Variants in ANK2 observed in about 807,000 individuals in gnomAD.
The protein encoded by ANK2 is ankyrin 2, also known as ankyrin-2.
Under a neutral mutation model 360.5 loss-of-function variants are expected in ANK2, and 83 were observed. That is an observed-to-expected ratio of 0.23 (90% CI 0.19 to 0.28). ANK2 has a LOEUF of 0.28. Among genes scored for constraint, ANK2 ranks in the 10% least tolerant of loss-of-function variants. The pLI is 1.00. For missense variants in ANK2, 4,201 were observed against 4,795.7 expected, an observed-to-expected ratio of 0.88 and a Z score of 3.66; for synonymous variants, 1,740 against 1,759.5, an observed-to-expected ratio of 0.99 and a Z score of 0.28.
At chr4:112,766,319 C>CA in the ANK2 span, among the ~76,000 whole-genome samples, 13,150 of 123,320 alleles carry the variant, frequency 0.11, 759 homozygotes, top group African/African-American at 0.19. Flanking sequence ...GACTCTGTCT[C>CA]AAAAAAAAAA....
intron 2 of ANK2, among the ~76,000 whole-genome samples, chr4:113,005,290 A>G (rs1002031597): frequency 1.2e-4 from 18 of 152,212 alleles, no homozygotes; most frequent in Admixed American, 3.9e-4. Context: ...CCCACACTGC[A>G]TATTTATCAC....
chr4:112,733,487 C>T, the ANK2 span, among the ~76,000 whole-genome samples: 1 of 152,124 alleles, frequency 6.6e-6, no homozygotes, highest in Non-Finnish European at 1.5e-5. Context: ...TTATTTCATA[C>T]ATGTACACAT....
intron 1 of ANK2, among the ~76,000 whole-genome samples, chr4:113,093,845 TG>T (rs1242960116): frequency 6.6e-6 from 1 of 152,224 alleles, no homozygotes; most frequent in Non-Finnish European, 1.5e-5. Flanking sequence ...AATAATTCAC[TG>T]GAATTTGTTG....
At chr4:112,827,633 T>G in intron 1 of ANK2, 1 of 792,320 alleles carries the variant, frequency 1.3e-6, no homozygotes. Flanking sequence ...TCCAGATCCT[T>G]GCAATTTACT....
At chr4:112,938,779 G>C (rs2093965677) in intron 2 of ANK2, among the ~76,000 whole-genome samples, 1 of 152,062 alleles carries the variant, frequency 6.6e-6, no homozygotes, top group Non-Finnish European at 1.5e-5. Flanking sequence ...TTAAGACATG[G>C]GTCTGTTTAC....
intron 1 of ANK2, among the ~76,000 whole-genome samples, chr4:112,901,487 A>G (rs1488935321): frequency 6.6e-6 from 1 of 152,216 alleles, no homozygotes; most frequent in African/African-American, 2.4e-5. Context: ...GCTGATGCTG[A>G]AAGTATCTGT....
intron 2 of ANK2, among the ~76,000 whole-genome samples, chr4:112,970,757 G>C (rs779346286): frequency 6.6e-6 from 1 of 152,118 alleles, no homozygotes; most frequent in Non-Finnish European, 1.5e-5. Flanking sequence ...AGATGAAGAA[G>C]TTCAAGGGAT....
At chr4:113,132,990 G>A (rs563077436) in intron 1 of ANK2, among the ~76,000 whole-genome samples, 5 of 152,258 alleles carry the variant, frequency 3.3e-5, no homozygotes, top group South Asian at 4.1e-4. Context: ...CAGCTGGAAG[G>A]ATGCACTAGA....
intron 1 of ANK2, 92 bp downstream of exon 1, chr4:113,049,904 G>C (rs181029522): frequency 2.1e-6 from 3 of 1,440,618 alleles, no homozygotes; most frequent in East Asian, 4.8e-5. Context: ...GGAAACCGTG[G>C]AGCATTATGA....
rs1277905000 is a variant in ANK2 at position 113,356,946 on chromosome 4, A to T, written c.8328A>T (p.Gly2776=). The T allele has an allele frequency of 5.0e-6, 8 of 1,613,972 alleles. No individual in the cohort carries two copies. Among genetic ancestry groups the T allele is most frequent in the African/African-American group, 1.3e-5 (1 of 74,930 alleles). ...TDQPKICDGH[G]CEAMSPSSSA... is the part of the protein sequence containing the mutation. ...AGCCAAAAATCTGTGATGGCCATGG[A>T]TGTGAGGCCATGAGTCCTAGCAGCT... Residue 2776 remains glycine, a synonymous_variant, in exon 38 of 46, where the codon GGA becomes GGT. Coordinates refer to ENST00000357077, the MANE Select transcript of ANK2 (RefSeq NM_001148.6).
intron 2 of ANK2, among the ~76,000 whole-genome samples, chr4:112,988,321 C>T (rs564864596): frequency 7.9e-5 from 12 of 152,182 alleles, no homozygotes; most frequent in African/African-American, 2.4e-4. Context: ...TTCTAGTGAC[C>T]GTGTTAGGAG....
intron 2 of ANK2, among the ~76,000 whole-genome samples, chr4:113,027,996 A>G (rs2059630626): frequency 2.0e-5 from 3 of 152,162 alleles, no homozygotes; most frequent in Non-Finnish European, 4.4e-5. Context: ...TATTTATTTC[A>G]AATATTCTTC....
intron 1 of ANK2, among the ~76,000 whole-genome samples, chr4:113,067,434 G>A (rs1429623855): frequency 2.6e-5 from 4 of 152,152 alleles, no homozygotes; most frequent in African/African-American, 7.2e-5. Context: ...AGCAGGTACA[G>A]AGGGGAAGAT....
In ANK2 at chr4:113,151,088, C is replaced by G. The variant is rs939727189; in HGVS notation, c.85-23328C>G. The G allele has an allele frequency of 5.0e-5, 64 of 1,288,396 alleles. No individual in the cohort carries two copies. In the Middle Eastern group the frequency reaches 6.4e-4, roughly 13 times the overall value. The allele number at this position is 1,288,396 out of a possible 1,614,324, so 79.8% of individuals were successfully genotyped here. On this transcript the variant is annotated intron_variant, in intron 1 of 45. Transcript: ENST00000357077. ...GAATTTTCCCACTACAGGTGACATGCCCCCAGATGAAACCAGAGGCCGCCA... is the reference window on the plus strand; with the variant it reads ...GAATTTTCCCACTACAGGTGACATGGCCCCAGATGAAACCAGAGGCCGCCA...
At chr4:113,345,662 T>C (rs1156438329) in intron 34 of ANK2, among the ~76,000 whole-genome samples, 1 of 152,184 alleles carries the variant, frequency 6.6e-6, no homozygotes, top group Non-Finnish European at 1.5e-5. Flanking sequence ...AATCATCACA[T>C]TGTACACCTT....
chr4:113,039,843 G>T (rs369272169), intron 2 of ANK2, among the ~76,000 whole-genome samples: 106 of 151,914 alleles, frequency 7.0e-4, no homozygotes, highest in African/African-American at 2.2e-3. Context: ...CACTCCATGG[G>T]TACATATCTT....
intron 29 of ANK2, 88 bp downstream of exon 29, chr4:113,333,296 ATATG>A (rs1554514398): frequency 9.4e-6 from 13 of 1,387,328 alleles, no homozygotes; most frequent in East Asian, 2.4e-5. Context: ...GGGTGTGTGT[ATATG>A]TGTGTGTGTG....
At chr4:112,953,442 G>C (rs2095155670) in intron 2 of ANK2, among the ~76,000 whole-genome samples, 1 of 152,268 alleles carries the variant, frequency 6.6e-6, no homozygotes, top group African/African-American at 2.4e-5. Flanking sequence ...GAAGTAGGGA[G>C]ATGTTAATGA....
chr4:113,211,345 G>T (rs973012434), intron 4 of ANK2, among the ~76,000 whole-genome samples: 4 of 152,134 alleles, frequency 2.6e-5, no homozygotes, highest in Non-Finnish European at 5.9e-5. Flanking sequence ...CTTCTTTCAC[G>T]TAATGTGCCA....
Sources: gnomAD v4.1 joint callset for allele counts (sites outside exome capture counted in the v4.1 genomes callset) on GRCh38, gnomAD v4.1.1 for gene constraint, MANE v1.5 for transcripts, NCBI Gene and HGNC (gene_info 2026-07-23, HGNC 2026-07-21) for gene names.